Variants in FAM174A observed in about 807,000 individuals in gnomAD.
FAM174A encodes the protein family with sequence similarity 174 member A.
In FAM174A, 14 loss-of-function variants were observed where a neutral mutation model predicts 14.3. The ratio of observed to expected loss-of-function variants is 0.98; its 90% CI spans 0.65 to 1.53. FAM174A has a LOEUF of 1.53. FAM174A is among the 40% of genes most tolerant of loss of function. FAM174A has a pLI of 0.00. For synonymous variants in FAM174A, 108 were observed against 111.4 expected (o/e 0.97, Z 0.19); for missense variants, 241 against 249.6 (o/e 0.97, Z 0.23).
At chr5:100,540,578 T>C (rs1746030074) in intron 1 of FAM174A, among the ~76,000 whole-genome samples, 1 of 152,146 alleles carries the variant, frequency 6.6e-6, no homozygotes. Context: ...GTAATGAATA[T>C]TTTTTTGCAA....
At chr5:100,563,992 G>A (rs1482603352) in intron 2 of FAM174A, among the ~76,000 whole-genome samples, 2 of 151,862 alleles carry the variant, frequency 1.3e-5, no homozygotes, top group African/African-American at 4.8e-5. Flanking sequence ...GCTTGGTGCT[G>A]TCCTTGTGAT....
chr5:100,558,509 G>C (rs1746446927), intron 1 of FAM174A, among the ~76,000 whole-genome samples: 3 of 151,850 alleles, frequency 2.0e-5, no homozygotes, highest in Non-Finnish European at 4.4e-5. Flanking sequence ...CTTTCTGTCT[G>C]GTTGATCTGT....
chr5:100,585,208 T>A (rs1447076600), intron 2 of FAM174A, among the ~76,000 whole-genome samples: 1 of 152,204 alleles, frequency 6.6e-6, no homozygotes, highest in Non-Finnish European at 1.5e-5. Flanking sequence ...TTTCTACAGT[T>A]ATGATTTAAT....
chr5:100,546,071 A>G lies in FAM174A; in HGVS notation c.434+10107A>G, dbSNP rs558675744. On this transcript the variant is annotated intron_variant, in intron 1 of 2. Transcript: ENST00000312637. ...GGATAGTACAAGCTACAGTTGAACA[A>G]ACAACTTCAATCTAAATGACTTAAT... is the stretch of plus-strand genomic sequence containing the variant. Among the ~76,000 whole-genome samples, 820 of 152,328 alleles carry G rather than the reference A, an allele frequency of 5.4e-3. 8 individuals carry two copies. The highest frequency in any genetic ancestry group is 8.9e-3 in the Non-Finnish European group (602 of 68,016).
At chr5:100,577,151 G>A (rs1746920341) in intron 2 of FAM174A, among the ~76,000 whole-genome samples, 1 of 151,914 alleles carries the variant, frequency 6.6e-6, no homozygotes, top group South Asian at 2.1e-4. Flanking sequence ...TTGTATGCTT[G>A]TATCAAGATA....
intron 1 of FAM174A, among the ~76,000 whole-genome samples, chr5:100,541,143 A>G (rs1746042702): frequency 3.3e-5 from 5 of 152,194 alleles, no homozygotes; most frequent in Non-Finnish European, 2.9e-5. Context: ...TGACTGTTAT[A>G]TCTCTCAAAC....
At chr5:100,560,560 T>C (rs1381053925) in intron 1 of FAM174A, among the ~76,000 whole-genome samples, 1 of 152,062 alleles carries the variant, frequency 6.6e-6, no homozygotes, top group African/African-American at 2.4e-5. Context: ...AGTAACATTT[T>C]GTAAATTTTA....
At chr5:100,565,105 T>C (rs1746614316) in intron 2 of FAM174A, among the ~76,000 whole-genome samples, 1 of 151,646 alleles carries the variant, frequency 6.6e-6, no homozygotes, top group Non-Finnish European at 1.5e-5. Flanking sequence ...GATACAAAAG[T>C]CCTCAATAAA....
At chr5:100,538,242 T>C (rs2112361137) in intron 1 of FAM174A, among the ~76,000 whole-genome samples, 1 of 152,264 alleles carries the variant, frequency 6.6e-6, no homozygotes, top group Non-Finnish European at 1.5e-5. Context: ...GCTCCCATTT[T>C]CAAACTATGT....
chr5:100,559,762 C>T (rs958190629), intron 1 of FAM174A, among the ~76,000 whole-genome samples: 29 of 152,174 alleles, frequency 1.9e-4, no homozygotes, highest in Middle Eastern at 3.4e-3. Flanking sequence ...CTTGTGCATT[C>T]GTCATGTAGT....
chr5:100,554,184 A>G (rs1746316976), intron 1 of FAM174A, among the ~76,000 whole-genome samples: 1 of 152,090 alleles, frequency 6.6e-6, no homozygotes, highest in South Asian at 2.1e-4. Flanking sequence ...CTTAACTTAT[A>G]TTTCCAACTA....
rs573291970 is a variant in FAM174A, at chr5:100,554,268, C to CA, written c.435-7782dup. Among the ~76,000 whole-genome samples, 14 of 148,598 alleles carry CA rather than the reference C, an allele frequency of 9.4e-5. No individual in the cohort carries two copies. The South Asian group carries it at 3.0e-3, about 32-fold the overall frequency. On this transcript the variant is annotated intron_variant, in intron 1 of 2. Transcript: ENST00000312637. ...GCAGATATCATTAAATGATATGTTT[C>CA]AAAAGCACCAATAGTAAACTAACTT...
At position 100,565,163 on chromosome 5, in the gene FAM174A, T is replaced by C. The variant is rs571539965; in HGVS notation, c.569+2975T>C. Among the ~76,000 whole-genome samples the C allele has an allele frequency of 2.0e-4, 31 of 151,962 alleles. No homozygotes were observed. The East Asian group carries it at 6.0e-3, about 29-fold the overall frequency. On this transcript the variant is annotated intron_variant, in intron 2 of 2. Coordinates refer to ENST00000312637, the MANE Select transcript of FAM174A (RefSeq NM_198507.3). ...AGCATATTAAAATGATGATACACCATGATTAAGTGGGATTTGTCCCTGGAA... is the reference window on the plus strand; with the variant it reads ...AGCATATTAAAATGATGATACACCACGATTAAGTGGGATTTGTCCCTGGAA...
At chr5:100,543,062 C>G (rs1162121196) in intron 1 of FAM174A, among the ~76,000 whole-genome samples, 1 of 152,016 alleles carries the variant, frequency 6.6e-6, no homozygotes, top group Non-Finnish European at 1.5e-5. Context: ...CTACTGCACT[C>G]CACCTTTCAT....
intron 2 of FAM174A, among the ~76,000 whole-genome samples, chr5:100,583,310 A>C (rs945414409): frequency 1.3e-5 from 2 of 152,092 alleles, no homozygotes; most frequent in African/African-American, 4.8e-5. Flanking sequence ...CACATCTGAG[A>C]TTTTTGCCTT....
chr5:100,546,575 A>C (rs762660285), intron 1 of FAM174A, among the ~76,000 whole-genome samples: 17 of 151,912 alleles, frequency 1.1e-4, no homozygotes, highest in African/African-American at 1.7e-4. Context: ...TTATATTTTT[A>C]CTCTTTCATT....
chr5:100,555,252 A>G (rs1746351035), intron 1 of FAM174A, among the ~76,000 whole-genome samples: 1 of 152,020 alleles, frequency 6.6e-6, no homozygotes, highest in African/African-American at 2.4e-5. Context: ...TACAAAGGAC[A>G]TGAACTCATC....
intron 2 of FAM174A, among the ~76,000 whole-genome samples, chr5:100,577,896 T>C (rs1671474579): frequency 6.6e-6 from 1 of 152,064 alleles, no homozygotes; most frequent in East Asian, 1.9e-4. Context: ...GAAAAAGAAA[T>C]ATTTGGGATT....
intron 1 of FAM174A, among the ~76,000 whole-genome samples, chr5:100,544,588 A>C (rs1284663464): frequency 4.6e-5 from 7 of 152,226 alleles, no homozygotes; most frequent in Admixed American, 2.0e-4. Flanking sequence ...TGGTGTTAAC[A>C]TCAATCCTGC....
Sources: allele counts gnomAD v4.1 joint callset (sites outside exome capture counted in the v4.1 genomes callset), GRCh38; gene constraint gnomAD v4.1.1; transcripts MANE v1.5; gene names NCBI Gene and HGNC (gene_info 2026-07-23, HGNC 2026-07-21).